Variants in STAG2 observed in about 807,000 individuals in gnomAD.
STAG2 encodes cohesin subunit SA-2.
A neutral mutation model predicts 108.1 loss-of-function variants in STAG2; 14 were observed. That is an observed-to-expected ratio of 0.13 (90% CI 0.09 to 0.20). STAG2 has a LOEUF of 0.20. Ranked by LOEUF, STAG2 falls within the 10% of genes least tolerant of loss-of-function variation. The pLI is 1.00. For synonymous variants in STAG2, 307 were observed against 302.7 expected, an observed-to-expected ratio of 1.01 and a Z score of -0.15; for missense variants, 440 against 940.9, an observed-to-expected ratio of 0.47 and a Z score of 6.96.
chrX:124,073,912 C>A (rs754831554), intron 25 of STAG2, among the ~76,000 whole-genome samples: 60 of 111,694 alleles, frequency 5.4e-4, no homozygotes, highest in Non-Finnish European at 1.0e-3. Flanking sequence ...CATTATCCTC[C>A]CATTTTCCCT....
chrX:123,975,631 T>C (rs758300460), intron 1 of STAG2, among the ~76,000 whole-genome samples: 23 of 111,367 alleles, frequency 2.1e-4, no homozygotes, highest in Non-Finnish European at 3.2e-4. Flanking sequence ...GTCCGGCTAA[T>C]TTTGTACTTT....
At chrX:124,061,699 T>C in intron 16 of STAG2, 72 bp from the exon 17 acceptor site, 1 of 796,031 alleles carries the variant, frequency 1.3e-6, no homozygotes, top group Non-Finnish European at 1.7e-6. Context: ...ATGTAATAAT[T>C]ACAAGTGGCA....
At chrX:123,968,089 C>T (rs756301393) in intron 1 of STAG2, among the ~76,000 whole-genome samples, 10 of 110,413 alleles carry the variant, frequency 9.1e-5, no homozygotes, top group Admixed American at 4.8e-4. Flanking sequence ...TTGGTAGAGA[C>T]GGGCTTTCAC....
At chrX:123,988,962 C>A (rs1342069288) in intron 1 of STAG2, among the ~76,000 whole-genome samples, 1 of 111,208 alleles carries the variant, frequency 9.0e-6, no homozygotes, top group Non-Finnish European at 1.9e-5. Flanking sequence ...GTCTCTCCCA[C>A]CACCTTCTCC....
chrX:124,004,702 C>T (rs1465985700), intron 1 of STAG2, among the ~76,000 whole-genome samples: 2 of 111,764 alleles, frequency 1.8e-5, no homozygotes, highest in African/African-American at 6.5e-5. Flanking sequence ...GTTTTGCTTT[C>T]GTGCATTCTA....
chrX:124,071,677 A>T (rs2058668611), intron 25 of STAG2, among the ~76,000 whole-genome samples: 1 of 112,074 alleles, frequency 8.9e-6, no homozygotes, highest in Non-Finnish European at 1.9e-5. Flanking sequence ...TTCATTGGTA[A>T]TACCAATATG....
chrX:124,033,860 T>C (rs1362348153), intron 5 of STAG2, among the ~76,000 whole-genome samples: 1 of 112,301 alleles, frequency 8.9e-6, no homozygotes, highest in Non-Finnish European at 1.9e-5. Context: ...AGTTCAATAT[T>C]AGGTGCCTAC....
chrX:124,008,456 G>A (rs1470771155), intron 1 of STAG2, among the ~76,000 whole-genome samples: 3 of 110,397 alleles, frequency 2.7e-5, no homozygotes, highest in African/African-American at 6.6e-5. Context: ...CAGGTGATCC[G>A]CCTGCCTCAG....
chrX:124,061,996 TA>T, intron 17 of STAG2, 122 bp downstream of exon 17: 2 of 572,149 alleles, frequency 3.5e-6, no homozygotes. Context: ...CCTTTGCTTA[TA>T]AATTTGTTAG....
At position 124,042,755 on chromosome X, in the gene STAG2, G is replaced by A. The variant is rs1364251391; in HGVS notation, c.462+110G>A. The A allele has an allele frequency of 2.3e-5, 13 of 558,405 alleles. No individual in the cohort carries two copies. In the Admixed American group the frequency reaches 2.4e-4, roughly 10 times the overall value. The allele number at this position is 558,405 out of a possible 1,213,427, so 46.0% of individuals were successfully genotyped here. ...AGGCTGGGCATGGTGGCTCATGCCT[G>A]TAATCCCACACTTTCAGAGGCCGAG... On this transcript the variant is annotated intron_variant, in intron 7 of 34. Coordinates refer to ENST00000371145, the MANE Select transcript of STAG2 (RefSeq NM_001042750.2).
chrX:123,998,580 GTCTATCCA>G (rs1216922013), intron 1 of STAG2, among the ~76,000 whole-genome samples: 8 of 78,267 alleles, frequency 1.0e-4, no homozygotes, highest in Non-Finnish European at 1.7e-4. Flanking sequence ...TTTTTTGTCT[GTCTATCCA>G]TCTATCTATC....
intron 1 of STAG2, among the ~76,000 whole-genome samples, chrX:123,984,379 A>G (rs2055054190): frequency 9.0e-6 from 1 of 111,684 alleles, no homozygotes; most frequent in African/African-American, 3.3e-5. Context: ...GTTACATTAC[A>G]TTTAAATGCA....
chrX:123,991,756 C>T (rs1473737444), intron 1 of STAG2, among the ~76,000 whole-genome samples: 1 of 111,068 alleles, frequency 9.0e-6, no homozygotes, highest in Non-Finnish European at 1.9e-5. Context: ...CCTCCGCCTC[C>T]CGGGTTCAAG....
At chrX:124,054,364 AAAG>A (rs2058131873) in intron 13 of STAG2, among the ~76,000 whole-genome samples, 1 of 112,320 alleles carries the variant, frequency 8.9e-6, no homozygotes, top group Admixed American at 9.4e-5. Context: ...CAGTAATTAA[AAAG>A]AAGGCAGTTC....
At chrX:124,048,945 C>T (rs2057957597) in intron 9 of STAG2, 60 bp from the exon 10 acceptor site, 4 of 946,285 alleles carry the variant, frequency 4.2e-6, no homozygotes, top group African/African-American at 1.9e-5. Context: ...TAACAACTTA[C>T]AGGTGTTCAT....
intron 13 of STAG2, among the ~76,000 whole-genome samples, 172 bp from the exon 14 acceptor site, chrX:124,055,956 G>C (rs1031193869): frequency 9.5e-6 from 1 of 105,616 alleles, no homozygotes; most frequent in Admixed American, 1.0e-4. Flanking sequence ...ATTTATCTTT[G>C]ATAGATTTTG....
chrX:123,976,460 C>G (rs1400848654), intron 1 of STAG2, among the ~76,000 whole-genome samples: 2 of 111,034 alleles, frequency 1.8e-5, no homozygotes, highest in Non-Finnish European at 3.8e-5. Flanking sequence ...GATTTTGAAT[C>G]CTTGTTTCAT....
At chrX:124,012,622 T>G (rs1162673922) in intron 1 of STAG2, among the ~76,000 whole-genome samples, 1 of 111,639 alleles carries the variant, frequency 9.0e-6, no homozygotes, top group Non-Finnish European at 1.9e-5. Context: ...GGTCAGCTAA[T>G]CAGAAGTGAA....
intron 1 of STAG2, among the ~76,000 whole-genome samples, chrX:123,964,419 C>G (rs1389783117): frequency 9.0e-6 from 1 of 111,618 alleles, no homozygotes; most frequent in Non-Finnish European, 1.9e-5. Context: ...TTTGTAAATT[C>G]TGCTTAGTGT....
Sources: gnomAD v4.1 joint callset for allele counts (sites outside exome capture counted in the v4.1 genomes callset) on GRCh38, gnomAD v4.1.1 for gene constraint, MANE v1.5 for transcripts, NCBI Gene and HGNC (gene_info 2026-07-23, HGNC 2026-07-21) for gene names.